Variants in CRTC1 observed in about 807,000 individuals in gnomAD.
CRTC1 encodes CREB regulated transcription coactivator 1, also known as CREB-regulated transcription coactivator 1.
CRTC1 carries 18 observed loss-of-function variants against 66.1 expected under a neutral mutation model. That is an observed-to-expected ratio of 0.27 (90% CI 0.19 to 0.40). The LOEUF (loss-of-function observed/expected upper bound fraction) is 0.40, where lower values mean the gene tolerates loss of function less well. Among genes scored for constraint, CRTC1 ranks in the 10% least tolerant of loss-of-function variants. The pLI, the probability that CRTC1 is intolerant of heterozygous loss-of-function variation, is 1.00. For missense variants in CRTC1, 669 were observed against 887.9 expected, an observed-to-expected ratio of 0.75 and a Z score of 3.13; for synonymous variants, 416 against 398.8, an observed-to-expected ratio of 1.04 and a Z score of -0.51.
Position 18,760,628 on chromosome 19 carries a change from C to CACCT in CRTC1, c.886+403_886+406dup, listed in dbSNP as rs1283602143. On this transcript the variant is annotated intron_variant, in intron 8 of 13. Transcript: ENST00000321949. The surrounding 1 kb of genome is among the most constrained non-coding windows in gnomAD (Gnocchi z 6.2). The stretch of plus-strand genomic sequence containing the variant: ...CCTCCACCCGACATCTGACAGTGAC[C>CACCT]ACCTACTTGTCACATCCCAGCACCA... 1.3e-5 allele frequency among the ~76,000 whole-genome samples: 2 copies of CACCT among 151,986 alleles called. No individual in the cohort carries two copies. The highest frequency in any genetic ancestry group is 2.9e-5 in the Non-Finnish European group (2 of 67,956).
chr19:18,759,956 G>GCTAGCCCCCTGTCCCCGCCA, intron 7 of CRTC1, 52 bp from the exon 8 acceptor site: 2 of 1,221,322 alleles, frequency 1.6e-6, no homozygotes, highest in Non-Finnish European at 2.3e-6. Flanking sequence ...TGTCCCCGCC[G>GCTAGCCCCCTGTCCCCGCCA]CCAGCCCCGC....
intron 1 of CRTC1, among the ~76,000 whole-genome samples, chr19:18,729,370 G>A (rs188053679): frequency 0.017 from 2,489 of 150,450 alleles, 48 homozygotes; most frequent in Admixed American, 0.04. Flanking sequence ...AGCTTGCAGT[G>A]AGCTGAGATC....
chr19:18,737,193 A>C (rs943913044), intron 1 of CRTC1, among the ~76,000 whole-genome samples: 1 of 150,086 alleles, frequency 6.7e-6, no homozygotes, highest in African/African-American at 2.5e-5. Flanking sequence ...TCCTGTCAGC[A>C]AGGGGTGGGG....
intron 1 of CRTC1, among the ~76,000 whole-genome samples, chr19:18,724,129 G>A (rs962061645): frequency 2.0e-5 from 3 of 152,174 alleles, no homozygotes; most frequent in Admixed American, 2.0e-4. Flanking sequence ...GCGGGAACCG[G>A]CGGGGCGGAC....
intron 1 of CRTC1, among the ~76,000 whole-genome samples, chr19:18,708,783 G>A (rs926471913): frequency 4.6e-5 from 7 of 152,178 alleles, no homozygotes; most frequent in Admixed American, 1.3e-4. Context: ...GGTATCTTCC[G>A]TGGGCACTGG....
Position 18,744,025 on chromosome 19 carries a change from C to G in CRTC1, c.243+999C>G, listed in dbSNP as rs969125283. 4.7e-6 allele frequency: 7 copies of G among 1,489,336 alleles called. No homozygotes were observed. In the South Asian group the frequency reaches 8.2e-5, roughly 17 times the overall value. The allele number at this position is 1,489,336 out of a possible 1,614,324, so 92.3% of individuals were successfully genotyped here. Reference sequence around the variant, plus strand: ...GGTGTCTGTCGCCCGAGGCCCACAGCCCGGGGGGAGGTCCCACGCATCCCG... The same window carrying G: ...GGTGTCTGTCGCCCGAGGCCCACAGGCCGGGGGGAGGTCCCACGCATCCCG... On this transcript the variant is annotated intron_variant, in intron 2 of 13. Coordinates refer to ENST00000321949, the MANE Select transcript of CRTC1 (RefSeq NM_015321.3).
intron 1 of CRTC1, among the ~76,000 whole-genome samples, chr19:18,703,240 A>G (rs35212572): frequency 0.083 from 12,691 of 152,032 alleles, 729 homozygotes; most frequent in Non-Finnish European, 0.12. Flanking sequence ...TCACTGTGTT[A>G]GCCAGGATGG....
chr19:18,711,669 G>A lies in CRTC1; in HGVS notation c.126+27841G>A, dbSNP rs2053394844. On this transcript the variant is annotated intron_variant, in intron 1 of 13. Transcript: ENST00000321949. ...CTGTAGTGGGTGGGGCGGCCGTGCT[G>A]GTCCTGGGGTGGGTGCCGGGCAGTT... Among the ~76,000 whole-genome samples, 4 of 152,186 alleles carry A rather than the reference G, an allele frequency of 2.6e-5. No homozygotes were observed. The South Asian group carries it at 8.3e-4, about 31-fold the overall frequency.
chr19:18,763,389 CTG>C (rs2054657927), intron 8 of CRTC1, among the ~76,000 whole-genome samples: 1 of 152,188 alleles, frequency 6.6e-6, no homozygotes, highest in Non-Finnish European at 1.5e-5. Context: ...GCGTGAGCCA[CTG>C]TGCCTGGCCG....
chr19:18,746,482 CCCT>C (rs2054239681), intron 3 of CRTC1, among the ~76,000 whole-genome samples: 2 of 151,040 alleles, frequency 1.3e-5, no homozygotes, highest in Non-Finnish European at 3.0e-5. Flanking sequence ...CAGAGTCCCC[CCCT>C]CCCCCCCAAC....
rs759952449 is a variant in CRTC1, at chr19:18,747,024, A to G, written c.382-29A>G. The G allele has an allele frequency of 3.0e-5, 48 of 1,605,464 alleles. No homozygotes were observed. In the East Asian group the frequency reaches 1.1e-3, roughly 36 times the overall value. ...TGTTGTTGGAGGCGGGGTCTCAGCC[A>G]GTGGCACTGCCCCCTTAACTCACCT... On this transcript the variant is annotated intron_variant, in intron 3 of 13. Coordinates refer to ENST00000321949, the MANE Select transcript of CRTC1 (RefSeq NM_015321.3).
intron 1 of CRTC1, among the ~76,000 whole-genome samples, chr19:18,691,390 C>T (rs887048377): frequency 4.0e-5 from 6 of 151,458 alleles, no homozygotes; most frequent in Non-Finnish European, 5.9e-5. Flanking sequence ...GGTGTGGTGG[C>T]GTGCACCTGT....
Position 18,714,347 on chromosome 19 carries a change from AC to A in CRTC1, c.127-28561del, listed in dbSNP as rs2053459209. On this transcript the variant is annotated intron_variant, in intron 1 of 13. Transcript: ENST00000321949. ...TTTTGAGACGGAGTCTTGCTCTGTC[AC>A]CTAGGCTGGAGTACGGTGGTGTGAT... 2.0e-5 allele frequency among the ~76,000 whole-genome samples: 3 copies of A among 151,894 alleles called. No homozygotes were observed. The East Asian group carries it at 5.8e-4, about 29-fold the overall frequency.
At chr19:18,730,618 C>A (rs1318650696) in intron 1 of CRTC1, among the ~76,000 whole-genome samples, 1 of 152,146 alleles carries the variant, frequency 6.6e-6, no homozygotes, top group Non-Finnish European at 1.5e-5. Flanking sequence ...CTCCCTGTGT[C>A]CAGCCTCCAC....
At chr19:18,770,799 TGTGGGTGTGTACATGC>T (rs2054845828) in intron 10 of CRTC1, among the ~76,000 whole-genome samples, 1 of 149,552 alleles carries the variant, frequency 6.7e-6, no homozygotes, top group African/African-American at 2.5e-5. Flanking sequence ...TATATGTGTG[TGTGGGTGTGTACATGC>T]GTGGGTGTGT....
At position 18,725,282 on chromosome 19, in the gene CRTC1, C is replaced by T. The variant is rs547931689; in HGVS notation, c.127-17628C>T. On this transcript the variant is annotated intron_variant, in intron 1 of 13. Coordinates refer to ENST00000321949, the MANE Select transcript of CRTC1 (RefSeq NM_015321.3). The stretch of plus-strand genomic sequence containing the variant: ...CTCCAGCCCCTTCTCTCCCCCAGCT[C>T]GGGCCTGAGGCCAGCACCCCTTAGG... Among the ~76,000 whole-genome samples, 10 of 152,208 alleles carry T rather than the reference C, an allele frequency of 6.6e-5. No homozygotes were observed. The East Asian group carries it at 7.8e-4, about 12-fold the overall frequency.
chr19:18,774,913 T>G lies in CRTC1; in HGVS notation c.1439T>G (p.Leu480Arg), dbSNP rs2054949169. Reference protein sequence around the residue: ...PGSSPQHTSTLGSVFGDAYYE... With the variant: ...PGSSPQHTSTRGSVFGDAYYE... ...TTCTGTCTGCAGCACACTTCCACCC[T>G]GGGCAGCGTGTTTGGGGACGCGTAC... The change falls in exon 12 of 14, where the codon CTG becomes CGG. Residue 480 changes from leucine (L) to arginine (R), a missense_variant. By Grantham distance (102) the Leu-to-Arg change is moderately radical. Around this residue, in one of 8 missense-constraint regions of CRTC1, gnomAD observed 79 missense variants for 100.1 expected, o/e 0.79. Transcript: ENST00000321949. 2 of 1,610,848 alleles carry G rather than the reference T, an allele frequency of 1.2e-6. No individual in the cohort carries two copies. Among genetic ancestry groups the G allele is most frequent in the Non-Finnish European group, 1.7e-6 (2 of 1,179,976 alleles).
chr19:18,742,196 C>G (rs2054126618), intron 1 of CRTC1, among the ~76,000 whole-genome samples: 1 of 152,176 alleles, frequency 6.6e-6, no homozygotes, highest in African/African-American at 2.4e-5. Context: ...CAGCCCTGTT[C>G]AGAGTCAGCG....
At position 18,780,158 on chromosome 19, in the gene CRTC1, A is replaced by G. The variant is rs1038843514; in HGVS notation, c.*2776A>G. 1.3e-4 allele frequency: 31 copies of G among 231,830 alleles called. No individual in the cohort carries two copies. Among genetic ancestry groups the G allele is most frequent in the Admixed American group, 1.2e-3 (22 of 17,724 alleles). The allele number at this position is 231,830 out of a possible 1,614,324, so 14.4% of individuals were successfully genotyped here. ...CACGTGGGGAGGTTGCGCCGTGTAC[A>G]TAGACCCGCCGTCTGTGTCCTTGGT... On this transcript the variant is annotated 3_prime_UTR_variant, in exon 14 of 14. Transcript: ENST00000321949.
Sources: gnomAD v4.1 joint callset for allele counts (sites outside exome capture counted in the v4.1 genomes callset) on GRCh38, gnomAD v4.1.1 for gene constraint, gnomAD v4.1.1 regional missense constraint, Gnocchi (gnomAD v3.1) non-coding constraint, MANE v1.5 for transcripts, NCBI Gene and HGNC (gene_info 2026-07-23, HGNC 2026-07-21) for gene names.